The following HOMER2 variants were observed in gnomAD, a reference collection of about 807,000 sequenced individuals.
The protein encoded by HOMER2 is homer protein homolog 2.
HOMER2 carries 27 observed loss-of-function variants against 47.0 expected under a neutral mutation model. The ratio of observed to expected loss-of-function variants is 0.57; its 90% CI spans 0.42 to 0.79. The LOEUF is 0.79. Ranked by LOEUF, HOMER2 falls within the 30% of genes least tolerant of loss-of-function variation. HOMER2 has a pLI of 0.00. For missense variants in HOMER2, 443 were observed against 435.0 expected (o/e 1.02, Z -0.16); for synonymous variants, 161 against 163.8 (o/e 0.98, Z 0.13).
chr15:82,870,984 ACTGGCTCATTCTTATATTTGTTCCTCCTT>A (rs1227622024), intron 3 of HOMER2, among the ~76,000 whole-genome samples: 1 of 152,200 alleles, frequency 6.6e-6, no homozygotes, highest in Non-Finnish European at 1.5e-5. Flanking sequence ...AACTTTAACC[ACTGGCTCATTCTTATATTTGTTCCTCCTT>A]CTGTCTCCTT....
chr15:82,953,657 AG>A (rs2054551929), upstream of HOMER2, among the ~76,000 whole-genome samples: 1 of 152,140 alleles, frequency 6.6e-6, no homozygotes, highest in African/African-American at 2.4e-5. Context: ...GCGAATCACG[AG>A]GTCTGGAGAT....
chr15:82,859,999 GCA>G (rs1329506300), intron 4 of HOMER2, among the ~76,000 whole-genome samples: 33 of 152,164 alleles, frequency 2.2e-4, no homozygotes, highest in Non-Finnish European at 3.7e-4. Flanking sequence ...TGTAATCCCA[GCA>G]CTTTGGGAGG....
upstream of HOMER2, among the ~76,000 whole-genome samples, chr15:82,956,941 G>A (rs985368497): frequency 6.6e-6 from 1 of 152,160 alleles, no homozygotes; most frequent in Non-Finnish European, 1.5e-5. Flanking sequence ...GAGCCTCAGC[G>A]CTCTAATCTA....
chr15:82,918,107 C>A lies in HOMER2; in HGVS notation c.6-25266G>T, dbSNP rs541615901. Among the ~76,000 whole-genome samples the A allele has an allele frequency of 7.2e-5, 11 of 152,218 alleles. No individual in the cohort carries two copies. In the South Asian group the frequency reaches 1.9e-3, roughly 26 times the overall value. ...GGGACTAAAAGCAGGCAGCATTGCC[C>A]GAGCCGCATTACACACTCATCAAAG... On this transcript the variant is annotated intron_variant, in intron 1 of 8. Transcript: ENST00000450735.
At chr15:82,955,045 G>T (rs1033046497), upstream of HOMER2, among the ~76,000 whole-genome samples, 2 of 152,060 alleles carry the variant, frequency 1.3e-5, no homozygotes, top group African/African-American at 4.8e-5. Flanking sequence ...CAAAGTGCTG[G>T]GATTACAGGC....
chr15:82,929,855 C>A (rs891875497), intron 1 of HOMER2, among the ~76,000 whole-genome samples: 1 of 151,700 alleles, frequency 6.6e-6, no homozygotes, highest in East Asian at 2.0e-4. Flanking sequence ...CTCAGCCTCC[C>A]GAGTAGCTGG....
At chr15:82,837,519 C>T (rs1320348347) in exon 2 of HOMER2, 1 of 152,186 alleles carries the variant, frequency 6.6e-6, no homozygotes, top group South Asian at 2.1e-4. Flanking sequence ...GTCAGAGGAC[C>T]TTAGTGGGCT....
At chr15:82,905,341 T>A (rs2053257141) in intron 1 of HOMER2, among the ~76,000 whole-genome samples, 1 of 144,772 alleles carries the variant, frequency 6.9e-6, no homozygotes, top group African/African-American at 2.5e-5. Flanking sequence ...GGAAAAGGTA[T>A]AAGATAGGCA....
intron 2 of HOMER2, among the ~76,000 whole-genome samples, chr15:82,882,747 G>C (rs2052564672): frequency 1.3e-5 from 2 of 152,196 alleles, no homozygotes; most frequent in Non-Finnish European, 2.9e-5. Flanking sequence ...TGGAATGACA[G>C]CTGCTGAAGC....
chr15:82,967,060 A>G (rs1203992656), intron 1 of HOMER2, among the ~76,000 whole-genome samples: 2 of 152,140 alleles, frequency 1.3e-5, no homozygotes, highest in East Asian at 3.9e-4. Context: ...CAACAGCCTG[A>G]GCAACATAGT....
intron 1 of HOMER2, chr15:82,926,580 C>T (rs1288683337): frequency 1.3e-5 from 2 of 152,248 alleles, no homozygotes; most frequent in African/African-American, 4.8e-5. Context: ...CCCAGCTACT[C>T]AGGAGGCTGA....
intron 1 of HOMER2, among the ~76,000 whole-genome samples, chr15:82,912,136 C>A (rs1387619923): frequency 6.6e-6 from 1 of 152,092 alleles, no homozygotes; most frequent in African/African-American, 2.4e-5. Context: ...TTTTTAAAGT[C>A]CCCAATTCAG....
At chr15:82,933,567 A>T (rs929006343) in intron 1 of HOMER2, among the ~76,000 whole-genome samples, 3 of 152,048 alleles carry the variant, frequency 2.0e-5, no homozygotes, top group Non-Finnish European at 4.4e-5. Context: ...CCTTCTCATC[A>T]TTCTCACAGA....
At chr15:82,977,429 AT>A (rs1372872634) in intron 1 of HOMER2, among the ~76,000 whole-genome samples, 1 of 152,184 alleles carries the variant, frequency 6.6e-6, no homozygotes, top group African/African-American at 2.4e-5. Context: ...TTACCTTCAT[AT>A]TTGCCAACTG....
chr15:82,936,678 T>C (rs529320568), intron 1 of HOMER2, among the ~76,000 whole-genome samples: 1 of 152,082 alleles, frequency 6.6e-6, no homozygotes, highest in African/African-American at 2.4e-5. Flanking sequence ...GTTCAAGCGA[T>C]CCTCCCACCT....
At chr15:82,867,430 C>T (rs922377284) in intron 3 of HOMER2, among the ~76,000 whole-genome samples, 1 of 148,982 alleles carries the variant, frequency 6.7e-6, no homozygotes, top group Non-Finnish European at 1.5e-5. Flanking sequence ...TATAGCTAAG[C>T]TAGTACAACA....
At chr15:82,969,760 G>C (rs561756565) in intron 1 of HOMER2, among the ~76,000 whole-genome samples, 1 of 152,268 alleles carries the variant, frequency 6.6e-6, no homozygotes, top group African/African-American at 2.4e-5. Flanking sequence ...AATAAACTTA[G>C]GGAAGATGCA....
intron 7 of HOMER2, 84 bp downstream of exon 7, chr15:82,852,058 C>A: frequency 1.2e-6 from 1 of 863,280 alleles, no homozygotes; most frequent in South Asian, 1.6e-5. Flanking sequence ...CAGGGCCAGT[C>A]ATAGGCCCCA....
intron 5 of HOMER2, among the ~76,000 whole-genome samples, chr15:82,856,791 C>T (rs1042917119): frequency 1.3e-5 from 2 of 152,100 alleles, no homozygotes; most frequent in African/African-American, 2.4e-5. Flanking sequence ...AGATCACAGC[C>T]GGGCCAGCTG....
Sources: gnomAD v4.1 joint callset for allele counts (sites outside exome capture counted in the v4.1 genomes callset) on GRCh38, gnomAD v4.1.1 for gene constraint, MANE v1.5 for transcripts, NCBI Gene and HGNC (gene_info 2026-07-23, HGNC 2026-07-21) for gene names.